SPECC1L: variants seen among roughly 807,000 people sequenced by gnomAD.
SPECC1L encodes cytospin-A.
In SPECC1L, 40 loss-of-function variants were observed where a neutral mutation model predicts 116.8. That is an observed-to-expected ratio of 0.34 (90% CI 0.27 to 0.45). SPECC1L has a LOEUF of 0.45. Among genes scored for constraint, SPECC1L ranks in the 20% least tolerant of loss-of-function variants. The pLI is 1.00. For synonymous variants in SPECC1L, 504 were observed against 500.6 expected, an observed-to-expected ratio of 1.01 and a Z score of -0.09; for missense variants, 1,110 against 1,373.6, an observed-to-expected ratio of 0.81 and a Z score of 3.03.
rs1027932897 is a variant in SPECC1L, at chr22:24,381,046, T to G, written c.3087+11726T>G. Among the ~76,000 whole-genome samples, 7 of 152,230 alleles carry G rather than the reference T, an allele frequency of 4.6e-5. No homozygotes were observed. The East Asian group carries it at 1.3e-3, about 29-fold the overall frequency. ...AACCACTTTTAATTTTTTTAGCCGT[T>G]GTCTTTAGGGTTTGATGGTACAAGG... On this transcript the variant is annotated intron_variant, in intron 14 of 16. Transcript: ENST00000314328.
At chr22:24,296,505 C>G (rs1321948077) in intron 2 of SPECC1L, among the ~76,000 whole-genome samples, 1 of 152,254 alleles carries the variant, frequency 6.6e-6, no homozygotes, top group Non-Finnish European at 1.5e-5. Flanking sequence ...TTCCCCCAAA[C>G]CTTGACTTTC....
At chr22:24,325,013 A>C (rs1399367161) in intron 6 of SPECC1L, among the ~76,000 whole-genome samples, 1 of 152,244 alleles carries the variant, frequency 6.6e-6, no homozygotes, top group Non-Finnish European at 1.5e-5. Flanking sequence ...TTATGAACCC[A>C]TTATTAAATG....
chr22:24,404,024 C>T (rs917392739), intron 14 of SPECC1L, among the ~76,000 whole-genome samples: 2 of 152,194 alleles, frequency 1.3e-5, no homozygotes, highest in African/African-American at 2.4e-5. Context: ...TGCTTCATGG[C>T]AACTCATATG....
rs543156960 is a variant in SPECC1L at position 24,279,594 on chromosome 22, T to G, written c.-38+2791T>G. Among the ~76,000 whole-genome samples, 4 of 152,022 alleles carry G rather than the reference T, an allele frequency of 2.6e-5. No individual in the cohort carries two copies. In the South Asian group the frequency reaches 8.3e-4, roughly 32 times the overall value. Reference sequence around the variant, plus strand: ...TAATTATTATTATTATTATTTATTATTTTAGAAACAGGTCTAGCTCTGTTG... The same window carrying G: ...TAATTATTATTATTATTATTTATTAGTTTAGAAACAGGTCTAGCTCTGTTG... On this transcript the variant is annotated intron_variant, in intron 2 of 16. Coordinates refer to ENST00000314328, the MANE Select transcript of SPECC1L (RefSeq NM_015330.6).
At chr22:24,306,952 G>T (rs554465375) in intron 3 of SPECC1L, among the ~76,000 whole-genome samples, 1 of 152,262 alleles carries the variant, frequency 6.6e-6, no homozygotes, top group Admixed American at 6.5e-5. Flanking sequence ...TGTCCTCAAG[G>T]TTCATCCATG....
intron 11 of SPECC1L, among the ~76,000 whole-genome samples, chr22:24,361,185 C>T (rs538519198): frequency 6.6e-6 from 1 of 152,054 alleles, no homozygotes; most frequent in Admixed American, 6.6e-5. Flanking sequence ...ATTGCTTTAG[C>T]TTAGGAGTTC....
intron 14 of SPECC1L, among the ~76,000 whole-genome samples, chr22:24,377,851 A>G (rs935842163): frequency 6.6e-6 from 1 of 152,190 alleles, no homozygotes; most frequent in African/African-American, 2.4e-5. Flanking sequence ...TGTTCCATTT[A>G]TAGAGCACAG....
chr22:24,351,260 A>G (rs2041415762), intron 11 of SPECC1L, among the ~76,000 whole-genome samples: 1 of 152,150 alleles, frequency 6.6e-6, no homozygotes, highest in South Asian at 2.1e-4. Flanking sequence ...TGGATATGCC[A>G]TTTTCACAAG....
chr22:24,353,114 C>A (rs191408528), intron 11 of SPECC1L, among the ~76,000 whole-genome samples: 188 of 152,310 alleles, frequency 1.2e-3, no homozygotes, highest in African/African-American at 4.1e-3. Flanking sequence ...TCCTACATAA[C>A]TATAGAACAG....
chr22:24,305,924 CTTT>C (rs954188922), intron 3 of SPECC1L, among the ~76,000 whole-genome samples: 2 of 144,560 alleles, frequency 1.4e-5, no homozygotes, highest in African/African-American at 2.5e-5. Flanking sequence ...TTCATACAAT[CTTT>C]TTTTTTTTTT....
chr22:24,284,926 G>A (rs1174011784), intron 2 of SPECC1L, among the ~76,000 whole-genome samples: 1 of 152,178 alleles, frequency 6.6e-6, no homozygotes, highest in Non-Finnish European at 1.5e-5. Context: ...AGAAGAGAAA[G>A]GGAGAGACAC....
chr22:24,405,981 C>T (rs1414933734), intron 14 of SPECC1L, among the ~76,000 whole-genome samples: 2 of 152,178 alleles, frequency 1.3e-5, no homozygotes. Flanking sequence ...TCAAACCTGG[C>T]TCAGACCCCT....
At chr22:24,334,201 A>T (rs1197792112) in intron 8 of SPECC1L, among the ~76,000 whole-genome samples, 1 of 151,442 alleles carries the variant, frequency 6.6e-6, no homozygotes, top group East Asian at 1.9e-4. Flanking sequence ...TTTAGTAGAG[A>T]TGGGGTTTCA....
chr22:24,322,625 G>T lies in SPECC1L; in HGVS notation c.1645G>T (p.Glu549Ter). The T allele has an allele frequency of 6.2e-7, 1 of 1,614,098 alleles. No individual in the cohort carries two copies. The highest frequency in any genetic ancestry group is 1.1e-5 in the South Asian group (1 of 91,038). ...ERSHHMERII[E>*]SEQKGKAALA... Reference sequence around the variant, plus strand: ...CAGTCACCATATGGAGCGAATTATTGAGTCTGAGCAGAAAGGAAAAGCAGC... The same window carrying T: ...CAGTCACCATATGGAGCGAATTATTTAGTCTGAGCAGAAAGGAAAAGCAGC... Residue 549 changes from glutamate (E) to a stop codon, truncating the protein, a stop_gained, in exon 5 of 17, where the codon GAG becomes TAG. Coordinates refer to ENST00000314328, the MANE Select transcript of SPECC1L (RefSeq NM_015330.6). LOFTEE classifies it high-confidence loss of function.
At chr22:24,298,344 T>C (rs2049308428) in intron 2 of SPECC1L, among the ~76,000 whole-genome samples, 1 of 152,234 alleles carries the variant, frequency 6.6e-6, no homozygotes, top group Non-Finnish European at 1.5e-5. Flanking sequence ...AGCGTCTTTA[T>C]GTATAGGCAA....
intron 8 of SPECC1L, 107 bp downstream of exon 8, chr22:24,330,538 A>T: frequency 8.1e-7 from 1 of 1,235,360 alleles, no homozygotes; most frequent in African/African-American, 1.5e-5. Context: ...ATACTTACTG[A>T]GTTTGGATCT....
rs760023002 is a variant in SPECC1L at position 24,338,458 on chromosome 22, C to T, written c.2633C>T (p.Ala878Val). 2 of 1,613,956 alleles carry T rather than the reference C, an allele frequency of 1.2e-6. No homozygotes were observed. The highest frequency in any genetic ancestry group is 3.3e-5 in the Admixed American group (2 of 59,998). Residue 878 changes from alanine (A) to valine (V), a missense_variant, in exon 10 of 17, where the codon GCA (alanine) becomes GTA (valine). Around this residue, in one of 4 missense-constraint regions of SPECC1L, gnomAD observed 575 missense variants for 682.4 expected, o/e 0.84. Coordinates refer to ENST00000314328, the MANE Select transcript of SPECC1L (RefSeq NM_015330.6). ...SPSPMKTPPAAAVSPMQRHSI... is the reference protein window; with the variant it reads ...SPSPMKTPPAVAVSPMQRHSI... ...AGTCCTATGAAAACCCCTCCTGCAGCAGCTGTGTCCCCTATGCAGGTGAGT... is the reference window on the plus strand; with the variant it reads ...AGTCCTATGAAAACCCCTCCTGCAGTAGCTGTGTCCCCTATGCAGGTGAGT...
At chr22:24,350,624 C>T (rs1361361269) in intron 11 of SPECC1L, among the ~76,000 whole-genome samples, 1 of 152,186 alleles carries the variant, frequency 6.6e-6, no homozygotes, top group Non-Finnish European at 1.5e-5. Flanking sequence ...CAGCAAATAA[C>T]TAAAGCACCT....
chr22:24,318,746 T>C lies in SPECC1L; in HGVS notation c.308-2542T>C, dbSNP rs549815963. On this transcript the variant is annotated intron_variant, in intron 4 of 16. Transcript: ENST00000314328. ...ACCAGCTTGGGCAACATGCCCAATG[T>C]GGTGAAACCCCGTCTCTACAAAAAA... Among the ~76,000 whole-genome samples the C allele has an allele frequency of 5.9e-5, 9 of 152,146 alleles. No homozygotes were observed. In the East Asian group the frequency reaches 1.7e-3, roughly 30 times the overall value.
Sources: allele counts gnomAD v4.1 joint callset (sites outside exome capture counted in the v4.1 genomes callset), GRCh38; gene constraint gnomAD v4.1.1; regional missense constraint gnomAD v4.1.1; transcripts MANE v1.5; gene names NCBI Gene and HGNC (gene_info 2026-07-23, HGNC 2026-07-21).